The following SPDYE1 variants were observed in gnomAD, a reference collection of about 807,000 sequenced individuals.
The protein encoded by SPDYE1 is speedy protein E1.
A neutral mutation model predicts 45.9 loss-of-function variants in SPDYE1; 29 were observed. That is an observed-to-expected ratio of 0.63 (90% confidence interval 0.47 to 0.86). The LOEUF (loss-of-function observed/expected upper bound fraction) is 0.86. SPDYE1 is among the 40% of genes least tolerant of loss of function. The pLI, the probability that SPDYE1 is intolerant of heterozygous loss-of-function variation, is 0.00. For synonymous variants in SPDYE1, 134 were observed against 176.8 expected (o/e 0.76, Z 1.92); for missense variants, 346 against 481.4 (o/e 0.72, Z 2.63).
rs1322445028 is a variant in SPDYE1, at chr7:44,002,586, T to G, written c.380-4T>G. The G allele has an allele frequency of 8.9e-6, 14 of 1,577,232 alleles. No homozygotes were observed. The highest frequency in any genetic ancestry group is 2.7e-5 in the African/African-American group (2 of 73,768). ...TTACACCGTGGCCTGGTTTCTTTACTCAGCCCCTGGGGTAGATCCCAGCCC... is the reference window on the plus strand; with the variant it reads ...TTACACCGTGGCCTGGTTTCTTTACGCAGCCCCTGGGGTAGATCCCAGCCC... On this transcript the variant is annotated splice_region_variant and splice_polypyrimidine_tract_variant and intron_variant, in intron 3 of 8. Coordinates refer to ENST00000693451, the MANE Select transcript of SPDYE1 (RefSeq NM_001378423.2).
In SPDYE1 at chr7:44,007,091, C is replaced by T. The variant is rs539825627; in HGVS notation, c.753-177C>T. On this transcript the variant is annotated intron_variant, in intron 6 of 8. Coordinates refer to ENST00000693451, the MANE Select transcript of SPDYE1 (RefSeq NM_001378423.2). ...GTCTCCATCCTGAAGGAGTGGGAGACGCTCTTGATCAGGTCTCTGTCCAGC... is the reference window on the plus strand; with the variant it reads ...GTCTCCATCCTGAAGGAGTGGGAGATGCTCTTGATCAGGTCTCTGTCCAGC... 6,119 of 1,442,588 alleles carry T rather than the reference C, an allele frequency of 4.2e-3. 20 individuals carry two copies. The highest frequency in any genetic ancestry group is 5.0e-3 in the Non-Finnish European group (5,382 of 1,081,560). The allele number at this position is 1,442,588 out of a possible 1,614,324, so 89.4% of individuals were successfully genotyped here.
Position 44,005,180 on chromosome 7 carries a change from C to T in SPDYE1, c.705C>T (p.Ala235=), listed in dbSNP as rs757293302. 99 of 1,611,866 alleles carry T rather than the reference C, an allele frequency of 6.1e-5. No homozygotes were observed. Among genetic ancestry groups the T allele is most frequent in the Non-Finnish European group, 8.1e-5 (95 of 1,179,864 alleles). The change falls in exon 6 of 9, where the codon GCC becomes GCT. Residue 235 remains alanine, a synonymous_variant. Transcript: ENST00000693451. ...TGGTCATAGCGTATTTCAGCCGAGC[C>T]GGCTTCCCCTCCTGGCAATACCAAC... is the stretch of plus-strand genomic sequence containing the variant. ...LAMVIAYFSR[A]GFPSWQYQRL...
At position 44,007,134 on chromosome 7, in the gene SPDYE1, G is replaced by C. The variant is rs2096072364; in HGVS notation, c.753-134G>C. ...TGTCCAGCAGAGCCCTCCTGAGGAA[G>C]GCATGGCTCTCTGCAGGGTGGGTGC... On this transcript the variant is annotated intron_variant, in intron 6 of 8. Transcript: ENST00000693451. 17 of 1,570,678 alleles carry C rather than the reference G, an allele frequency of 1.1e-5. 1 individual carries two copies. In the South Asian group the frequency reaches 1.7e-4, roughly 15 times the overall value.
intron 5 of SPDYE1, chr7:44,004,210 T>C: frequency 2.0e-6 from 1 of 503,168 alleles, no homozygotes; most frequent in Non-Finnish European, 3.6e-6. Context: ...AATTTTTGTG[T>C]TTTTAGTAGA....
chr7:44,008,383 G>A (rs1261484540), intron 8 of SPDYE1, among the ~76,000 whole-genome samples: 1 of 152,214 alleles, frequency 6.6e-6, no homozygotes, highest in Non-Finnish European at 1.5e-5. Flanking sequence ...CACATTCTCT[G>A]AGGGTGCCCT....
chr7:44,001,427 T>C lies in SPDYE1; in HGVS notation c.379+143T>C, dbSNP rs2128776266. On this transcript the variant is annotated intron_variant, in intron 3 of 8. Coordinates refer to ENST00000693451, the MANE Select transcript of SPDYE1 (RefSeq NM_001378423.2). ...AGGAGGACTCAGAAGTGATCACTCATGAGGGACACTTAGGAGACAATAGAG... is the reference window on the plus strand; with the variant it reads ...AGGAGGACTCAGAAGTGATCACTCACGAGGGACACTTAGGAGACAATAGAG... The C allele has an allele frequency of 3.9e-6, 6 of 1,520,700 alleles. No individual in the cohort carries two copies. The Middle Eastern group carries it at 7.0e-4, about 178-fold the overall frequency. The allele number at this position is 1,520,700 out of a possible 1,614,324, so 94.2% of individuals were successfully genotyped here. A position where few individuals can be genotyped will look rare whatever the true frequency, so the allele number is the denominator to read the frequency against.
Position 44,007,307 on chromosome 7 carries a change from C to G in SPDYE1, c.792C>G (p.Ser264=). The G allele has an allele frequency of 6.2e-7, 1 of 1,613,028 alleles. No individual in the cohort carries two copies. Among genetic ancestry groups the G allele is most frequent in the South Asian group, 1.1e-5 (1 of 91,020 alleles). Residue 264 remains serine (S), a synonymous_variant, in exon 7 of 9, where the codon TCC becomes TCG. Transcript: ENST00000693451. ...ACATGGAGGAGGACGACGAGGACTCCAAACAAAACATCTTCCACTTCCTGT... is the reference window on the plus strand; with the variant it reads ...ACATGGAGGAGGACGACGAGGACTCGAAACAAAACATCTTCCACTTCCTGT... ...ANDMEEDDED[S]KQNIFHFLYG...
intron 3 of SPDYE1, among the ~76,000 whole-genome samples, chr7:44,002,030 A>G (rs1460186342): frequency 4.0e-5 from 6 of 151,310 alleles, no homozygotes; most frequent in Admixed American, 4.0e-4. Flanking sequence ...GTACTGAGGC[A>G]GGGTTCAGTG....
At chr7:44,001,339 A>G in intron 3 of SPDYE1, 55 bp downstream of exon 3, 1 of 1,588,330 alleles carries the variant, frequency 6.3e-7, no homozygotes. Context: ...AAAAGAGGAA[A>G]CTTCCAATAA....
At chr7:44,001,388 T>A (rs2096062829) in intron 3 of SPDYE1, 104 bp downstream of exon 3, 1 of 1,546,564 alleles carries the variant, frequency 6.5e-7, no homozygotes, top group African/African-American at 1.4e-5. Context: ...CCCCAGTGGG[T>A]GAGATCTCCA....
intron 4 of SPDYE1, among the ~76,000 whole-genome samples, chr7:44,003,534 A>C (rs1482095264): frequency 6.6e-6 from 1 of 152,116 alleles, no homozygotes; most frequent in Non-Finnish European, 1.5e-5. Context: ...TGACTGTCTC[A>C]TGAGGAAATG....
intron 3 of SPDYE1, among the ~76,000 whole-genome samples, chr7:44,002,235 G>A (rs2096064288): frequency 6.7e-6 from 1 of 149,662 alleles, no homozygotes; most frequent in Admixed American, 6.7e-5. Flanking sequence ...TGGAACCCAG[G>A]AGGCAGAGGT....
chr7:43,999,351 T>C (rs1433155853), intron 1 of SPDYE1, among the ~76,000 whole-genome samples, 177 bp from the exon 2 acceptor site: 1 of 152,130 alleles, frequency 6.6e-6, no homozygotes, highest in Admixed American at 6.6e-5. Flanking sequence ...TCTGCCAAAC[T>C]GAGTGCTCTG....
In SPDYE1 at chr7:43,999,923, G is replaced by A. The variant is rs2096060290; in HGVS notation, c.-27G>A. ...TGAGAATTGATAACATACTCTTCTG[G>A]ATCCTAGCAGTGTCCAGAAGAAGGC... On this transcript the variant is annotated 5_prime_UTR_variant, in exon 2 of 9. Coordinates refer to ENST00000693451, the MANE Select transcript of SPDYE1 (RefSeq NM_001378423.2). 1.0e-6 allele frequency: 1 copy of A among 981,520 alleles called. No individual in the cohort carries two copies. Among genetic ancestry groups the A allele is most frequent in the Non-Finnish European group, 1.2e-6 (1 of 828,800 alleles). The allele number at this position is 981,520 out of a possible 1,614,324, so 60.8% of individuals were successfully genotyped here.
Position 44,009,278 on chromosome 7 carries a change from T to A in SPDYE1, c.*657T>A, listed in dbSNP as rs1221642704. ...ATAAAGATAATTTTCTTTTCATTTTTGAGACAATTCTTTTTATCCTAAATA... is the reference window on the plus strand; with the variant it reads ...ATAAAGATAATTTTCTTTTCATTTTAGAGACAATTCTTTTTATCCTAAATA... On this transcript the variant is annotated 3_prime_UTR_variant, in exon 9 of 9. Coordinates refer to ENST00000693451, the MANE Select transcript of SPDYE1 (RefSeq NM_001378423.2). 1.4e-5 allele frequency: 2 copies of A among 145,678 alleles called. No individual in the cohort carries two copies. The highest frequency in any genetic ancestry group is 2.0e-4 in the East Asian group (1 of 5,024). The allele number at this position is 145,678 out of a possible 1,614,324, so 9.0% of individuals were successfully genotyped here.
chr7:44,007,512 T>A lies in SPDYE1; in HGVS notation c.997T>A (p.Phe333Ile). The A allele has an allele frequency of 6.2e-7, 1 of 1,613,932 alleles. No homozygotes were observed. Among genetic ancestry groups the A allele is most frequent in the Non-Finnish European group, 8.5e-7 (1 of 1,180,044 alleles). Residue 333 changes from phenylalanine (F) to isoleucine (I), a missense_variant, in exon 7 of 9, where the codon TTC (phenylalanine) becomes ATC (isoleucine). Phe to Ile is a conservative substitution (Grantham distance 21). Coordinates refer to ENST00000693451, the MANE Select transcript of SPDYE1 (RefSeq NM_001378423.2). Reference protein sequence around the residue: ...ARKNRSQIVLFQKRRFHFFCS... With the variant: ...ARKNRSQIVLIQKRRFHFFCS... ...GAAGAACCGCTCTCAGATAGTCCTGTTCCAGAAACGTCGGTTCCACTTCTT... is the reference window on the plus strand; with the variant it reads ...GAAGAACCGCTCTCAGATAGTCCTGATCCAGAAACGTCGGTTCCACTTCTT...
At chr7:43,999,249 T>C (rs2096059349) in intron 1 of SPDYE1, among the ~76,000 whole-genome samples, 1 of 152,200 alleles carries the variant, frequency 6.6e-6, no homozygotes, top group African/African-American at 2.4e-5. Context: ...AAAATGTCTC[T>C]TGGACTCAAA....
chr7:44,001,029 C>T (rs1486643337), intron 2 of SPDYE1, 37 bp from the exon 3 acceptor site: 1 of 1,597,184 alleles, frequency 6.3e-7, no homozygotes, highest in Admixed American at 1.7e-5. Context: ...TGATCAGATG[C>T]AGAAGCATTA....
intron 6 of SPDYE1, 131 bp from the exon 7 acceptor site, chr7:44,007,137 A>G (rs897984118): frequency 8.2e-6 from 13 of 1,576,804 alleles, no homozygotes; most frequent in South Asian, 4.7e-5. Context: ...TGAGGAAGGC[A>G]TGGCTCTCTG....
Sources: allele counts gnomAD v4.1 joint callset (sites outside exome capture counted in the v4.1 genomes callset), GRCh38; gene constraint gnomAD v4.1.1; transcripts MANE v1.5; gene names NCBI Gene and HGNC (gene_info 2026-07-23, HGNC 2026-07-21).